Variants in MGAM2 observed in about 807,000 individuals in gnomAD.
The protein encoded by MGAM2 is maltase-glucoamylase 2 (putative).
A neutral mutation model predicts 96.1 loss-of-function variants in MGAM2; 98 were observed. That is an observed-to-expected ratio of 1.02 (90% CI 0.87 to 1.21). The LOEUF is 1.21. Ranked by LOEUF, MGAM2 falls within the 50% of genes most tolerant of loss-of-function variation. MGAM2 has a pLI of 0.00. For missense variants in MGAM2, 2,055 were observed against 1,182.4 expected (o/e 1.74, Z -10.82); for synonymous variants, 749 against 414.8 (o/e 1.81, Z -9.79).
intron 25 of MGAM2, 100 bp downstream of exon 25, chr7:142,166,353 G>A (rs1168279646): frequency 3.5e-6 from 2 of 566,310 alleles, no homozygotes; most frequent in Non-Finnish European, 6.3e-6. Flanking sequence ...CCAGGACCCT[G>A]TGCAACACGC....
At position 142,166,078 on chromosome 7, in the gene MGAM2, G is replaced by GT. The variant is rs1417379664; in HGVS notation, c.2653-19dup. 1.5e-6 allele frequency: 1 copy of GT among 670,212 alleles called. No homozygotes were observed. Among genetic ancestry groups the GT allele is most frequent in the Non-Finnish European group, 2.7e-6 (1 of 368,216 alleles). 41.5% of individuals were successfully genotyped at this position (670,212 alleles called of 1,614,324 possible). On this transcript the variant is annotated intron_variant, in intron 24 of 47. Coordinates refer to ENST00000477922, the MANE Select transcript of MGAM2 (RefSeq NM_001293626.2). The stretch of plus-strand genomic sequence containing the variant: ...GCTTTCCCTCCCTTCCTTTGTCACT[G>GT]TGACTGTCTCTTTCCCCAGGTGGTA...
chr7:142,150,458 C>G (rs545766355), intron 15 of MGAM2, among the ~76,000 whole-genome samples: 2 of 152,220 alleles, frequency 1.3e-5, no homozygotes, highest in East Asian at 3.9e-4. Context: ...TCACACAAAT[C>G]ATTACACTAG....
intron 20 of MGAM2, among the ~76,000 whole-genome samples, chr7:142,159,777 C>A (rs1264525275): frequency 6.6e-6 from 1 of 152,092 alleles, no homozygotes; most frequent in African/African-American, 2.4e-5. Flanking sequence ...TAGCAGAAGG[C>A]CTTTCCAAAT....
intron 26 of MGAM2, among the ~76,000 whole-genome samples, chr7:142,167,938 G>C (rs563634285): frequency 6.6e-6 from 1 of 152,100 alleles, no homozygotes; most frequent in Non-Finnish European, 1.5e-5. Flanking sequence ...GAGAGGTAAA[G>C]GTCGGAAAGT....
chr7:142,210,615 G>A (rs537132523), intron 46 of MGAM2, among the ~76,000 whole-genome samples: 8 of 152,180 alleles, frequency 5.3e-5, no homozygotes, highest in Non-Finnish European at 7.4e-5. Flanking sequence ...CCACAAAGCC[G>A]CTGTAGCAAG....
intron 37 of MGAM2, 145 bp downstream of exon 37, chr7:142,189,650 C>T (rs1012469778): frequency 6.3e-6 from 3 of 477,194 alleles, no homozygotes; most frequent in Admixed American, 3.9e-5. Context: ...CAAGCAACCA[C>T]CTCTGAGCGC....
chr7:142,169,934 C>T, intron 26 of MGAM2, 141 bp from the exon 27 acceptor site: 2 of 540,194 alleles, frequency 3.7e-6, no homozygotes, highest in East Asian at 6.0e-5. Flanking sequence ...GCAGGCCTCA[C>T]ATCCATTCGC....
chr7:142,118,027 C>A (rs1389352215), intron 2 of MGAM2, among the ~76,000 whole-genome samples: 1 of 150,650 alleles, frequency 6.6e-6, no homozygotes, highest in Non-Finnish European at 1.5e-5. Context: ...AAGAACAGAA[C>A]AGAACATCTA....
At chr7:142,154,599 T>C (rs1795680000) in intron 16 of MGAM2, 130 bp from the exon 17 acceptor site, 1 of 615,824 alleles carries the variant, frequency 1.6e-6, no homozygotes, top group Non-Finnish European at 2.9e-6. Flanking sequence ...GTGTGCCCTG[T>C]GACTCTGGGA....
At position 142,220,912 on chromosome 7, in the gene MGAM2, C is replaced by T; in HGVS notation, c.6401C>T (p.Thr2134Ile). The change falls in exon 48 of 48, where the codon ACT becomes ATT. Residue 2134 changes from threonine to isoleucine, a missense_variant. By Grantham distance (89) the Thr-to-Ile change is moderately conservative (BLOSUM62 -1). Transcript: ENST00000477922. ...CTAACAGGTACTACTGATGTTAGCACTAGTACTACTATTAATAATATAAGT... is the reference window on the plus strand; with the variant it reads ...CTAACAGGTACTACTGATGTTAGCATTAGTACTACTATTAATAATATAAGT... ...SSLTGTTDVS[T>I]STTINNISTP... The T allele has an allele frequency of 1.4e-6, 1 of 701,850 alleles. No individual in the cohort carries two copies. The highest frequency in any genetic ancestry group is 2.6e-6 in the Non-Finnish European group (1 of 384,700). 43.5% of individuals were successfully genotyped at this position (701,850 alleles called of 1,614,324 possible). A position where few individuals can be genotyped will look rare whatever the true frequency, so the allele number is the denominator to read the frequency against.
chr7:142,169,800 C>A (rs1796137525), intron 26 of MGAM2, among the ~76,000 whole-genome samples: 1 of 152,128 alleles, frequency 6.6e-6, no homozygotes, highest in Non-Finnish European at 1.5e-5. Context: ...CACACACATT[C>A]TATTTATGAA....
chr7:142,220,782 A>G lies in MGAM2; in HGVS notation c.6271A>G (p.Thr2091Ala). 2 of 702,184 alleles carry G rather than the reference A, an allele frequency of 2.8e-6. No individual in the cohort carries two copies. Among genetic ancestry groups the G allele is most frequent in the Non-Finnish European group, 5.2e-6 (2 of 384,786 alleles). The allele number at this position is 702,184 out of a possible 1,614,324, so 43.5% of individuals were successfully genotyped here. A position where few individuals can be genotyped will look rare whatever the true frequency, so the allele number is the denominator to read the frequency against. ...TTMPSPTSST[T>A]VSTIATVPIS... is the part of the protein sequence containing the mutation. ...TATGCCTTCTCCTACAAGTAGTACTACTGTGAGTACTATTGCTACCGTTCC... is the reference window on the plus strand; with the variant it reads ...TATGCCTTCTCCTACAAGTAGTACTGCTGTGAGTACTATTGCTACCGTTCC... Residue 2091 changes from threonine to alanine, a missense_variant, in exon 48 of 48, where the codon ACT (threonine) becomes GCT (alanine). Physicochemically the swap from Thr to Ala is moderately conservative, Grantham distance 58. Coordinates refer to ENST00000477922, the MANE Select transcript of MGAM2 (RefSeq NM_001293626.2).
intron 38 of MGAM2, 121 bp downstream of exon 38, chr7:142,196,408 G>C (rs1797037477): frequency 4.6e-6 from 3 of 650,378 alleles, no homozygotes; most frequent in Non-Finnish European, 8.3e-6. Context: ...AACAAGAACT[G>C]AGTTCTCTCT....
chr7:142,208,486 G>C (rs1365688820), intron 45 of MGAM2, 87 bp from the exon 46 acceptor site: 1 of 687,398 alleles, frequency 1.5e-6, no homozygotes, highest in South Asian at 1.6e-5. Flanking sequence ...ACCCCATTGA[G>C]AGTGTGGTTT....
chr7:142,146,207 GAT>G (rs1554504313), intron 14 of MGAM2, among the ~76,000 whole-genome samples: 1 of 16,474 alleles, frequency 6.1e-5, no homozygotes, highest in Admixed American at 5.9e-4. Context: ...TTTTGTTTTT[GAT>G]TTTTTTTTTT....
rs1797947838 is a variant in MGAM2, at chr7:142,222,065, A to G, written c.*6A>G. 7.5e-6 allele frequency: 3 copies of G among 398,220 alleles called. No homozygotes were observed. In the East Asian group the frequency reaches 1.1e-4, roughly 14 times the overall value. The allele number at this position is 398,220 out of a possible 1,614,324, so 24.7% of individuals were successfully genotyped here. On this transcript the variant is annotated 3_prime_UTR_variant, in exon 48 of 48. Coordinates refer to ENST00000477922, the MANE Select transcript of MGAM2 (RefSeq NM_001293626.2). ...ATGCTACTCAAGTTCCATGATTACT[A>G]CTCAAGGCAGGATAGTTACCTCAGA...
rs2129109397 is a variant in MGAM2 at position 142,221,554 on chromosome 7, C to T, written c.7043C>T (p.Thr2348Ile). 1.9e-6 allele frequency: 1 copy of T among 538,106 alleles called. No individual in the cohort carries two copies. The highest frequency in any genetic ancestry group is 3.1e-5 in the South Asian group (1 of 31,808). The allele number at this position is 538,106 out of a possible 1,614,324, so 33.3% of individuals were successfully genotyped here. The change falls in exon 48 of 48, where the codon ACA becomes ATA. Residue 2348 changes from threonine (T) to isoleucine (I), a missense_variant. Physicochemically the swap from Thr to Ile is moderately conservative, Grantham distance 89. Coordinates refer to ENST00000477922, the MANE Select transcript of MGAM2 (RefSeq NM_001293626.2). ...ACCATTATTTTCAACACTCTTGATA[C>T]AAAAAGTACCATGGTAATAGATGCT... is the stretch of plus-strand genomic sequence containing the variant. Reference protein sequence around the residue: ...ANTIIFNTLDTKSTMVIDATV... With the variant: ...ANTIIFNTLDIKSTMVIDATV...
chr7:142,138,855 T>C (rs773754834), intron 10 of MGAM2, among the ~76,000 whole-genome samples, 188 bp downstream of exon 10: 6 of 152,238 alleles, frequency 3.9e-5, no homozygotes, highest in Non-Finnish European at 7.3e-5. Flanking sequence ...TGAAGCCTGA[T>C]AGAGGTGGCT....
intron 13 of MGAM2, 86 bp from the exon 14 acceptor site, chr7:142,144,775 C>A (rs570723664): frequency 1.9e-4 from 115 of 595,756 alleles, no homozygotes; most frequent in South Asian, 1.3e-3. Context: ...ACCCAGATAT[C>A]CTGGCTCCTA....
Sources: gnomAD v4.1 joint callset for allele counts (sites outside exome capture counted in the v4.1 genomes callset) on GRCh38, gnomAD v4.1.1 for gene constraint, MANE v1.5 for transcripts, NCBI Gene and HGNC (gene_info 2026-07-23, HGNC 2026-07-21) for gene names.